The following MOV10L1 variants were observed in gnomAD, a reference collection of about 807,000 sequenced individuals.
MOV10L1 encodes the protein RNA helicase Mov10l1.
A neutral mutation model predicts 143.8 loss-of-function variants in MOV10L1; 110 were observed. The ratio of observed to expected loss-of-function variants is 0.76; its 90% CI spans 0.66 to 0.90. The LOEUF (loss-of-function observed/expected upper bound fraction) is 0.90, where lower values mean the gene tolerates loss of function less well. Ranked by LOEUF, MOV10L1 falls within the 40% of genes least tolerant of loss-of-function variation. MOV10L1 has a pLI of 0.00. For synonymous variants in MOV10L1, 593 were observed against 581.1 expected (o/e 1.02, Z -0.29); for missense variants, 1,406 against 1,526.8 (o/e 0.92, Z 1.32).
chr22:50,090,428 G>T (rs774575066), intron 1 of MOV10L1: 8 of 1,593,408 alleles, frequency 5.0e-6, no homozygotes. Context: ...CCCTCTTCCC[G>T]CCCTCACTTT....
chr22:50,157,889 C>CATT (rs34785258), intron 22 of MOV10L1, among the ~76,000 whole-genome samples, 168 bp from the exon 23 acceptor site: 19,438 of 152,008 alleles, frequency 0.13, 1,494 homozygotes, highest in Admixed American at 0.21. Context: ...GCCATTTCAT[C>CATT]ATTTAACATA....
chr22:50,117,408 A>G, intron 9 of MOV10L1, 57 bp downstream of exon 9: 1 of 1,576,654 alleles, frequency 6.3e-7, no homozygotes, highest in Non-Finnish European at 8.6e-7. Context: ...TGTGAAGGAA[A>G]AGCGGACGTG....
chr22:50,144,017 T>G (rs2063065194), intron 17 of MOV10L1, 80 bp from the exon 18 acceptor site: 2 of 1,533,616 alleles, frequency 1.3e-6, no homozygotes. Flanking sequence ...CACCCGAATG[T>G]GTGTGTTGAG....
chr22:50,090,576 T>G, intron 1 of MOV10L1: 1 of 1,557,992 alleles, frequency 6.4e-7, no homozygotes, highest in Non-Finnish European at 8.7e-7. Context: ...CAGAACGCGC[T>G]GCGCCAAGGC....
chr22:50,098,670 A>T lies in MOV10L1; in HGVS notation c.283-773A>T, dbSNP rs555122674. On this transcript the variant is annotated intron_variant, in intron 2 of 26. Coordinates refer to ENST00000262794, the MANE Select transcript of MOV10L1 (RefSeq NM_018995.3). ...GTGGAATCTTTAGAGTTTTCCACAG[A>T]TGAGATCCTACCATCTGTGAATAAA... Among the ~76,000 whole-genome samples the T allele has an allele frequency of 1.4e-3, 212 of 152,312 alleles. 1 individual carries two copies. The highest frequency in any genetic ancestry group is 5.1e-3 in the African/African-American group (211 of 41,560).
chr22:50,147,228 G>C lies in MOV10L1; in HGVS notation c.2627+1418G>C, dbSNP rs570357010. ...TGCAGAAGCAGGGAGGGTGCTGCAG[G>C]CCGCTCTCTCAGAGGCGCTCTGTGC... On this transcript the variant is annotated intron_variant, in intron 19 of 26. Transcript: ENST00000262794. 128 of 752,580 alleles carry C rather than the reference G, an allele frequency of 1.7e-4. No homozygotes were observed. The African/African-American group carries it at 2.2e-3, about 13-fold the overall frequency. 46.6% of individuals were successfully genotyped at this position (752,580 alleles called of 1,614,324 possible). A position where few individuals can be genotyped will look rare whatever the true frequency, so the allele number is the denominator to read the frequency against.
intron 18 of MOV10L1, among the ~76,000 whole-genome samples, chr22:50,145,281 G>C (rs936255256): frequency 2.0e-5 from 3 of 152,182 alleles, no homozygotes; most frequent in Admixed American, 1.3e-4. Flanking sequence ...AAATAGCTGG[G>C]CGTGGTGGCA....
chr22:50,107,466 C>A (rs796526208), intron 3 of MOV10L1, among the ~76,000 whole-genome samples: 13 of 152,238 alleles, frequency 8.5e-5, no homozygotes, highest in African/African-American at 3.1e-4. Context: ...TCTGGAGACA[C>A]AAACTCAGTA....
At chr22:50,107,122 T>C (rs2061892383) in intron 3 of MOV10L1, among the ~76,000 whole-genome samples, 1 of 151,542 alleles carries the variant, frequency 6.6e-6, no homozygotes, top group Admixed American at 6.6e-5. Context: ...TCACCCAGGC[T>C]GGAGTGCAGT....
chr22:50,102,936 T>A (rs1167458993), intron 3 of MOV10L1, among the ~76,000 whole-genome samples: 1 of 152,080 alleles, frequency 6.6e-6, no homozygotes, highest in African/African-American at 2.4e-5. Context: ...CATCTTCTGC[T>A]CTGCAGCAAC....
rs1237718482 is a variant in MOV10L1, at chr22:50,159,496, G to A, written c.3217-182G>A. Reference sequence around the variant, plus strand: ...ATGCACCCATAATCCCAGCTGCTCAGGAGGCTGAGGCAGGAGAATTGCTTG... The same window carrying A: ...ATGCACCCATAATCCCAGCTGCTCAAGAGGCTGAGGCAGGAGAATTGCTTG... On this transcript the variant is annotated intron_variant, in intron 23 of 26. Transcript: ENST00000262794. This position sits in a 1 kb window ranked among gnomAD's most constrained non-coding sequence, Gnocchi z 4.1. Among the ~76,000 whole-genome samples, 1 of 152,062 alleles carries A rather than the reference G, an allele frequency of 6.6e-6. No individual in the cohort carries two copies. Among genetic ancestry groups the A allele is most frequent in the Non-Finnish European group, 1.5e-5 (1 of 68,014 alleles).
intron 18 of MOV10L1, 137 bp downstream of exon 18, chr22:50,144,380 C>A: frequency 9.3e-7 from 1 of 1,078,466 alleles, no homozygotes; most frequent in Non-Finnish European, 1.3e-6. Context: ...AGAAATGGCT[C>A]TGCCATGGGC....
At chr22:50,120,894 C>G (rs1312708457) in intron 10 of MOV10L1, among the ~76,000 whole-genome samples, 1 of 152,204 alleles carries the variant, frequency 6.6e-6, no homozygotes, top group Non-Finnish European at 1.5e-5. Context: ...TGAGGGATAC[C>G]TCTGCCATCA....
At chr22:50,156,327 G>T (rs990114109) in intron 22 of MOV10L1, among the ~76,000 whole-genome samples, 28 of 152,006 alleles carry the variant, frequency 1.8e-4, no homozygotes, top group African/African-American at 6.5e-4. Flanking sequence ...TGTTGGCCAG[G>T]CTGGTCTCGA....
intron 5 of MOV10L1, among the ~76,000 whole-genome samples, chr22:50,110,224 T>A (rs992568716): frequency 2.0e-5 from 3 of 151,484 alleles, no homozygotes; most frequent in African/African-American, 7.3e-5. Flanking sequence ...CCGAGGTGGG[T>A]GGATCACAAG....
intron 13 of MOV10L1, among the ~76,000 whole-genome samples, chr22:50,132,138 C>T (rs1195135042): frequency 6.6e-6 from 1 of 152,206 alleles, no homozygotes; most frequent in African/African-American, 2.4e-5. Context: ...ACTCCTCATA[C>T]CCAGTAACAT....
rs535987415 is a variant in MOV10L1, at chr22:50,114,059, CA to C, written c.884+272del. 2.0e-3 allele frequency among the ~76,000 whole-genome samples: 311 copies of C among 151,874 alleles called. 2 individuals carry two copies. Among genetic ancestry groups the C allele is most frequent in the African/African-American group, 7.4e-3 (306 of 41,462 alleles). Reference sequence around the variant, plus strand: ...TCAGCCTCCCGAGTAGCTGGGACTACAGGCGCCCGCCACCACGCCCGGCTAA... The same window carrying C: ...TCAGCCTCCCGAGTAGCTGGGACTACGGCGCCCGCCACCACGCCCGGCTAA... On this transcript the variant is annotated intron_variant, in intron 6 of 26. Coordinates refer to ENST00000262794, the MANE Select transcript of MOV10L1 (RefSeq NM_018995.3).
At chr22:50,130,700 G>A (rs1342066799) in intron 13 of MOV10L1, among the ~76,000 whole-genome samples, 1 of 152,168 alleles carries the variant, frequency 6.6e-6, no homozygotes, top group Non-Finnish European at 1.5e-5. Flanking sequence ...GGTTGGCTGG[G>A]ACCACAGGGA....
rs2063074536 is a variant in MOV10L1, at chr22:50,144,314, A to C, written c.2505+71A>C. The C allele has an allele frequency of 2.0e-6, 3 of 1,498,426 alleles. No homozygotes were observed. In the South Asian group the frequency reaches 3.8e-5, roughly 19 times the overall value. 92.8% of individuals were successfully genotyped at this position (1,498,426 alleles called of 1,614,324 possible). A position where few individuals can be genotyped will look rare whatever the true frequency, so the allele number is the denominator to read the frequency against. Reference sequence around the variant, plus strand: ...GGAACATAGGAAATGCCAAGTGGACAGGGGAGGGCAGGGGTAGGAGGGTGG... The same window carrying C: ...GGAACATAGGAAATGCCAAGTGGACCGGGGAGGGCAGGGGTAGGAGGGTGG... On this transcript the variant is annotated intron_variant, in intron 18 of 26. Transcript: ENST00000262794.
Sources: allele counts gnomAD v4.1 joint callset (sites outside exome capture counted in the v4.1 genomes callset), GRCh38; gene constraint gnomAD v4.1.1; non-coding constraint Gnocchi (gnomAD v3.1); transcripts MANE v1.5; gene names NCBI Gene and HGNC (gene_info 2026-07-23, HGNC 2026-07-21).